The following GABRA4 variants were observed in gnomAD, a reference collection of about 807,000 sequenced individuals.
GABRA4 encodes gamma-aminobutyric acid receptor subunit alpha-4.
In GABRA4, 12 loss-of-function variants were observed where a neutral mutation model predicts 49.7. The ratio of observed to expected loss-of-function variants is 0.24; its 90% CI spans 0.15 to 0.39. The LOEUF (loss-of-function observed/expected upper bound fraction) is 0.39. Among genes scored for constraint, GABRA4 ranks in the 10% least tolerant of loss-of-function variants. The pLI is 1.00. For missense variants in GABRA4, 506 were observed against 686.0 expected (o/e 0.74, Z 2.93); for synonymous variants, 288 against 240.2 (o/e 1.20, Z -1.84).
At chr4:46,939,865 CATA>C (rs1287166310) in intron 8 of GABRA4, among the ~76,000 whole-genome samples, 1 of 151,920 alleles carries the variant, frequency 6.6e-6, no homozygotes, top group Non-Finnish European at 1.5e-5. Flanking sequence ...TACTCCCATT[CATA>C]ATATTCTTTC....
chr4:46,950,942 G>A (rs1159949825), intron 8 of GABRA4, among the ~76,000 whole-genome samples: 1 of 151,898 alleles, frequency 6.6e-6, no homozygotes, highest in Non-Finnish European at 1.5e-5. Flanking sequence ...CTCATAGCCA[G>A]AAAACCTATA....
intron 2 of GABRA4, among the ~76,000 whole-genome samples, chr4:46,981,273 TA>T (rs1223294220): frequency 1.3e-5 from 2 of 152,152 alleles, no homozygotes; most frequent in African/African-American, 4.8e-5. Context: ...AGGCCAATGA[TA>T]TTTTTCTTTA....
At chr4:46,985,273 G>A (rs1217774492) in intron 2 of GABRA4, among the ~76,000 whole-genome samples, 3 of 151,878 alleles carry the variant, frequency 2.0e-5, no homozygotes, top group Non-Finnish European at 4.4e-5. Flanking sequence ...ATTTTAAAAG[G>A]ACTTAAAATC....
intron 8 of GABRA4, among the ~76,000 whole-genome samples, chr4:46,948,510 A>C (rs569201134): frequency 8.5e-5 from 13 of 152,226 alleles, no homozygotes; most frequent in African/African-American, 3.1e-4. Context: ...CTGTGCTGCC[A>C]GATTGGCCTG....
rs200478363 is a variant in GABRA4, at chr4:46,978,984, G to T, written c.273+47C>A. 83 of 1,237,672 alleles carry T rather than the reference G, an allele frequency of 6.7e-5. No homozygotes were observed. The African/African-American group carries it at 1.1e-3, about 17-fold the overall frequency. 76.7% of individuals were successfully genotyped at this position (1,237,672 alleles called of 1,614,324 possible). On this transcript the variant is annotated intron_variant, in intron 3 of 8. Coordinates refer to ENST00000264318, the MANE Select transcript of GABRA4 (RefSeq NM_000809.4). ...ATATTAATTGCCCTCTTTTCTACAT[G>T]TTTTCTTCAAGTCTCAAAAGGTACA...
Position 46,979,044 on chromosome 4 carries a change from G to A in GABRA4, c.260C>T (p.Ser87Phe). Residue 87 changes from serine (S) to phenylalanine (F), a missense_variant, in exon 3 of 9, where the codon TCT becomes TTT. This residue lies in a region of GABRA4 where 195 missense variants were observed against 326.0 expected (regional missense o/e 0.60). Transcript: ENST00000264318. ...GAAAATACCTACCATTTCAACATCA[G>A]AAACAGGTCCAAAGCTGGTGACATA... ...DIYVTSFGPV[S>F]DVEMEYTMDV... The A allele has an allele frequency of 6.2e-7, 1 of 1,609,520 alleles. No homozygotes were observed. The highest frequency in any genetic ancestry group is 1.1e-5 in the South Asian group (1 of 90,840).
chr4:46,971,958 A>T lies in GABRA4; in HGVS notation c.722-723T>A, dbSNP rs189989553. ...ACCATAAGATTTCTGGTAGCTGTTG[A>T]TAAGTGTTTTTACTGTTACCTCTGA... On this transcript the variant is annotated intron_variant, in intron 6 of 8. Coordinates refer to ENST00000264318, the MANE Select transcript of GABRA4 (RefSeq NM_000809.4). Among the ~76,000 whole-genome samples, 3 of 151,690 alleles carry T rather than the reference A, an allele frequency of 2.0e-5. No individual in the cohort carries two copies. In the Admixed American group the frequency reaches 2.0e-4, roughly 10 times the overall value.
chr4:46,947,874 C>A (rs571286079), intron 8 of GABRA4, among the ~76,000 whole-genome samples: 6 of 152,170 alleles, frequency 3.9e-5, no homozygotes, highest in Admixed American at 3.3e-4. Flanking sequence ...TGGAGGCTGG[C>A]TGGACTCAGG....
intron 8 of GABRA4, among the ~76,000 whole-genome samples, chr4:46,957,664 G>T (rs1472081372): frequency 6.6e-6 from 1 of 151,840 alleles, no homozygotes; most frequent in African/African-American, 2.4e-5. Flanking sequence ...CCTAGTGATT[G>T]ATGCCACCAC....
intron 8 of GABRA4, among the ~76,000 whole-genome samples, chr4:46,932,364 G>A (rs1019131192): frequency 1.3e-5 from 2 of 152,108 alleles, no homozygotes; most frequent in Non-Finnish European, 2.9e-5. Context: ...TACTTACTTG[G>A]TGTCTGTTCT....
At chr4:46,987,613 C>A (rs1012426284) in intron 2 of GABRA4, among the ~76,000 whole-genome samples, 2 of 151,898 alleles carry the variant, frequency 1.3e-5, no homozygotes, top group Non-Finnish European at 2.9e-5. Context: ...ACATCCATAT[C>A]AAGTCAATCG....
chr4:46,931,256 A>G (rs1025199871), intron 8 of GABRA4, among the ~76,000 whole-genome samples: 1 of 152,114 alleles, frequency 6.6e-6, no homozygotes, highest in African/African-American at 2.4e-5. Flanking sequence ...GAAAATGTCA[A>G]CATTCATGTA....
chr4:46,956,808 A>C (rs981137175), intron 8 of GABRA4, among the ~76,000 whole-genome samples: 4 of 152,056 alleles, frequency 2.6e-5, no homozygotes, highest in Non-Finnish European at 5.9e-5. Flanking sequence ...CACATTTCCT[A>C]TTGTCAGATT....
rs1363528716 is a variant in GABRA4, at chr4:46,925,781, CA to C, written c.*2443del. On this transcript the variant is annotated 3_prime_UTR_variant, in exon 9 of 9. Transcript: ENST00000264318. Reference sequence around the variant, plus strand: ...TTATCATCATTATTATCATTGTGTGCAAATGAAATAATTTATTTTAATAATA... The same window carrying C: ...TTATCATCATTATTATCATTGTGTGCAATGAAATAATTTATTTTAATAATA... The C allele has an allele frequency of 1.3e-4, 19 of 145,562 alleles. 1 individual carries two copies. Among genetic ancestry groups the C allele is most frequent in the African/African-American group, 4.8e-4 (19 of 39,744 alleles). 9.0% of individuals were successfully genotyped at this position (145,562 alleles called of 1,614,324 possible).
chr4:46,940,727 C>G (rs1194875522), intron 8 of GABRA4, among the ~76,000 whole-genome samples: 2 of 151,318 alleles, frequency 1.3e-5, no homozygotes, highest in African/African-American at 2.4e-5. Flanking sequence ...ACAGACACCC[C>G]CCACTCTCAA....
chr4:46,984,730 C>T (rs1291513522), intron 2 of GABRA4, among the ~76,000 whole-genome samples: 1 of 151,882 alleles, frequency 6.6e-6, no homozygotes, highest in Non-Finnish European at 1.5e-5. Context: ...AAATTCAAAT[C>T]ATTTCACAAT....
chr4:46,963,400 G>T (rs1722647186), intron 8 of GABRA4, among the ~76,000 whole-genome samples: 1 of 151,660 alleles, frequency 6.6e-6, no homozygotes, highest in Admixed American at 6.6e-5. Flanking sequence ...TTGAATCATG[G>T]GGGACAGTCT....
intron 8 of GABRA4, 93 bp downstream of exon 8, chr4:46,964,877 T>A: frequency 1.5e-6 from 2 of 1,313,682 alleles, no homozygotes; most frequent in South Asian, 1.5e-5. Context: ...CAAGTTGATA[T>A]CAGGATTTTT....
At chr4:46,963,554 C>G (rs996465513) in intron 8 of GABRA4, among the ~76,000 whole-genome samples, 1 of 151,784 alleles carries the variant, frequency 6.6e-6, no homozygotes, top group Non-Finnish European at 1.5e-5. Context: ...GATTCTGAGG[C>G]CTCCCCAGCC....
Sources: gnomAD v4.1 joint callset for allele counts (sites outside exome capture counted in the v4.1 genomes callset) on GRCh38, gnomAD v4.1.1 for gene constraint, gnomAD v4.1.1 regional missense constraint, MANE v1.5 for transcripts, NCBI Gene and HGNC (gene_info 2026-07-23, HGNC 2026-07-21) for gene names.